INPP4B: variants seen among roughly 807,000 people sequenced by gnomAD.
The protein encoded by INPP4B is inositol polyphosphate-4-phosphatase type II B.
In INPP4B, 55 loss-of-function variants were observed where a neutral mutation model predicts 122.5. The observed-to-expected ratio is 0.45, with a 90% CI of 0.36 to 0.56. INPP4B has a LOEUF of 0.56. Among genes scored for constraint, INPP4B ranks in the 20% least tolerant of loss-of-function variants. INPP4B has a pLI of 0.00. For missense variants in INPP4B, 1,000 were observed against 1,097.7 expected, an observed-to-expected ratio of 0.91 and a Z score of 1.26; for synonymous variants, 403 against 388.7, an observed-to-expected ratio of 1.04 and a Z score of -0.43.
At chr4:142,685,144 G>C (rs1403111770) in intron 2 of INPP4B, among the ~76,000 whole-genome samples, 1 of 152,056 alleles carries the variant, frequency 6.6e-6, no homozygotes, top group East Asian at 1.9e-4. Context: ...TGCAGCTTCA[G>C]ATATGCTTCT....
Position 142,124,706 on chromosome 4 carries a change from C to T in INPP4B, c.1775G>A (p.Gly592Glu), listed in dbSNP as rs1553981825. The T allele has an allele frequency of 1.2e-6, 2 of 1,610,374 alleles. No individual in the cohort carries two copies. Among genetic ancestry groups the T allele is most frequent in the Admixed American group, 1.7e-5 (1 of 59,760 alleles). ...PLILTLKDCM[G>E]EVVNRAKQSL... is the part of the protein sequence containing the mutation. ...CTGCTTGGCTCGGTTCACCACTTCT[C>T]CCATGCAGTCCTTCAGGGTAAGGAT... Residue 592 changes from glycine to glutamate, a missense_variant, in exon 19 of 26, where the codon GGA becomes GAA. By Grantham distance (98) the Gly-to-Glu change is moderately conservative. Coordinates refer to ENST00000262992, the MANE Select transcript of INPP4B (RefSeq NM_001101669.3).
chr4:142,173,439 G>C (rs1364359452), intron 16 of INPP4B, among the ~76,000 whole-genome samples, 193 bp downstream of exon 16: 1 of 148,072 alleles, frequency 6.8e-6, no homozygotes, highest in Non-Finnish European at 1.5e-5. Context: ...AAAAAAAAAA[G>C]AGTGCTCAGT....
chr4:142,727,738 T>C (rs1307114703), intron 1 of INPP4B, among the ~76,000 whole-genome samples: 1 of 151,794 alleles, frequency 6.6e-6, no homozygotes, highest in Non-Finnish European at 1.5e-5. Flanking sequence ...ATTAGCCAGG[T>C]GTGGTGGTGC....
chr4:142,537,410 A>C (rs1355515725), intron 2 of INPP4B, among the ~76,000 whole-genome samples: 3 of 40,546 alleles, frequency 7.4e-5, no homozygotes, highest in African/African-American at 2.3e-4. Context: ...GTATATATAT[A>C]TATATATATA....
chr4:142,650,330 A>G (rs1477452625), intron 2 of INPP4B, among the ~76,000 whole-genome samples: 2 of 152,314 alleles, frequency 1.3e-5, no homozygotes, highest in African/African-American at 4.8e-5. Flanking sequence ...ATAACCAGCT[A>G]ACATCATAAT....
chr4:142,232,627 C>T (rs534140377), intron 12 of INPP4B, among the ~76,000 whole-genome samples: 1 of 151,950 alleles, frequency 6.6e-6, no homozygotes, highest in African/African-American at 2.4e-5. Context: ...CAATCTATAA[C>T]CCTACAATGG....
chr4:142,028,758 C>CTGTT lies in INPP4B; in HGVS notation c.*20_*23dup, dbSNP rs987866963. The CTGTT allele has an allele frequency of 5.0e-6, 8 of 1,597,544 alleles. No homozygotes were observed. The African/African-American group carries it at 5.4e-5, about 11-fold the overall frequency. On this transcript the variant is annotated 3_prime_UTR_variant, in exon 26 of 26. Transcript: ENST00000262992. ...ATCCAACTGAAATGTATTTGTGTTC[C>CTGTT]TGTTTATTAACATGTTGGTAAACTT...
intron 5 of INPP4B, 65 bp from the exon 6 acceptor site, chr4:142,405,389 G>T: frequency 3.0e-6 from 3 of 1,013,054 alleles, no homozygotes; most frequent in Non-Finnish European, 1.5e-6. Flanking sequence ...AAACTTCTGC[G>T]CCGGGCTGAA....
At chr4:142,178,491 C>A (rs1007768344) in intron 15 of INPP4B, among the ~76,000 whole-genome samples, 2 of 152,116 alleles carry the variant, frequency 1.3e-5, no homozygotes, top group Non-Finnish European at 2.9e-5. Flanking sequence ...ACTCCTTGAC[C>A]ACAAGTGCAC....
intron 1 of INPP4B, among the ~76,000 whole-genome samples, chr4:142,832,933 C>T (rs1047425300): frequency 6.6e-5 from 10 of 152,150 alleles, no homozygotes; most frequent in Non-Finnish European, 4.4e-5. Context: ...GAAAACATAA[C>T]AGTGAAGTGT....
chr4:142,799,318 T>G (rs924282735), intron 1 of INPP4B, among the ~76,000 whole-genome samples: 4 of 151,868 alleles, frequency 2.6e-5, no homozygotes, highest in Non-Finnish European at 4.4e-5. Flanking sequence ...AATTTTAAAT[T>G]GTACACATTA....
chr4:142,658,429 T>C (rs1754550587), intron 2 of INPP4B, among the ~76,000 whole-genome samples: 1 of 152,230 alleles, frequency 6.6e-6, no homozygotes, highest in Non-Finnish European at 1.5e-5. Context: ...GGTTTAAATA[T>C]TGCTGATCCT....
At chr4:142,791,441 T>C (rs529051943) in intron 1 of INPP4B, among the ~76,000 whole-genome samples, 3 of 152,094 alleles carry the variant, frequency 2.0e-5, no homozygotes, top group Non-Finnish European at 4.4e-5. Flanking sequence ...TGCTCAAACA[T>C]AAGGTAAATT....
chr4:142,202,588 TAG>T (rs1414003717), intron 14 of INPP4B, among the ~76,000 whole-genome samples: 1 of 152,096 alleles, frequency 6.6e-6, no homozygotes, highest in East Asian at 1.9e-4. Flanking sequence ...TCCTTCTATG[TAG>T]AGATTATAAA....
intron 25 of INPP4B, among the ~76,000 whole-genome samples, chr4:142,076,867 T>C (rs1008474136): frequency 6.6e-6 from 1 of 151,448 alleles, no homozygotes; most frequent in Non-Finnish European, 1.5e-5. Flanking sequence ...AAAAGTACAA[T>C]CAAAAACAAA....
At chr4:142,790,120 T>C (rs1268932806) in intron 1 of INPP4B, among the ~76,000 whole-genome samples, 2 of 152,076 alleles carry the variant, frequency 1.3e-5, no homozygotes, top group Non-Finnish European at 1.5e-5. Flanking sequence ...CCTGAAACTA[T>C]AAAAATTCTA....
chr4:142,521,922 T>C (rs1275867674), intron 2 of INPP4B, among the ~76,000 whole-genome samples: 1 of 152,082 alleles, frequency 6.6e-6, no homozygotes, highest in Non-Finnish European at 1.5e-5. Flanking sequence ...CAAGTTAATT[T>C]GTTTGGTATT....
At chr4:142,512,556 G>A (rs1824867885) in intron 2 of INPP4B, among the ~76,000 whole-genome samples, 1 of 152,070 alleles carries the variant, frequency 6.6e-6, no homozygotes. Flanking sequence ...TACTACTTGA[G>A]CTTGGGCAAG....
intron 18 of INPP4B, among the ~76,000 whole-genome samples, chr4:142,128,342 TACACACACAC>T (rs3836673): frequency 0.12 from 16,926 of 146,950 alleles, 1,137 homozygotes; most frequent in South Asian, 0.2. Flanking sequence ...CGTACTTTTA[TACACACACAC>T]ACACACACAC....
Sources: gnomAD v4.1 joint callset for allele counts (sites outside exome capture counted in the v4.1 genomes callset) on GRCh38, gnomAD v4.1.1 for gene constraint, MANE v1.5 for transcripts, NCBI Gene and HGNC (gene_info 2026-07-23, HGNC 2026-07-21) for gene names.